The following GALNTL6 variants were observed in gnomAD, a reference collection of about 807,000 sequenced individuals.
GALNTL6 encodes the protein polypeptide N-acetylgalactosaminyltransferase-like 6.
GALNTL6 carries 46 observed loss-of-function variants against 73.7 expected under a neutral mutation model. The ratio of observed to expected loss-of-function variants is 0.62; its 90% CI spans 0.49 to 0.80. GALNTL6 has a LOEUF of 0.80. GALNTL6 is among the 30% of genes least tolerant of loss of function. The probability of loss-of-function intolerance (pLI) is 0.00; values close to 1 mark genes in which losing one functional copy is unlikely to be tolerated. For missense variants in GALNTL6, 604 were observed against 755.0 expected, an observed-to-expected ratio of 0.80 and a Z score of 2.34; for synonymous variants, 259 against 263.7, an observed-to-expected ratio of 0.98 and a Z score of 0.17.
chr4:172,794,617 T>C (rs1740167938), intron 5 of GALNTL6, among the ~76,000 whole-genome samples: 1 of 152,196 alleles, frequency 6.6e-6, no homozygotes, highest in Admixed American at 6.5e-5. Context: ...CTTTCACCAC[T>C]TCAGACTTTT....
chr4:172,547,433 ACT>A (rs1409199614), intron 5 of GALNTL6, among the ~76,000 whole-genome samples: 1 of 151,564 alleles, frequency 6.6e-6, no homozygotes, highest in African/African-American at 2.4e-5. Context: ...CCCTTCTGCC[ACT>A]CTCTGTGGGC....
intron 5 of GALNTL6, among the ~76,000 whole-genome samples, chr4:172,718,196 T>G (rs1441500687): frequency 6.6e-6 from 1 of 152,230 alleles, no homozygotes; most frequent in Non-Finnish European, 1.5e-5. Flanking sequence ...ATCTACTTCA[T>G]CGTTATGATG....
At chr4:172,973,644 A>G (rs1267429997) in intron 10 of GALNTL6, among the ~76,000 whole-genome samples, 1 of 152,244 alleles carries the variant, frequency 6.6e-6, no homozygotes, top group Non-Finnish European at 1.5e-5. Context: ...ATAAGTGAAA[A>G]GAGATATTTT....
chr4:172,311,707 A>G lies in GALNTL6; in HGVS notation c.341A>G (p.Asn114Ser). 1 of 1,610,980 alleles carries G rather than the reference A, an allele frequency of 6.2e-7. No homozygotes were observed. The highest frequency in any genetic ancestry group is 1.3e-5 in the African/African-American group (1 of 74,934). Residue 114 changes from asparagine to serine, a missense_variant, in exon 4 of 13, where the codon AAC becomes AGC. Asn to Ser is a conservative substitution (Grantham distance 46, BLOSUM62 1). This residue lies in a region of GALNTL6 where 141 missense variants were observed against 156.6 expected (regional missense o/e 0.90). Coordinates refer to ENST00000506823, the MANE Select transcript of GALNTL6 (RefSeq NM_001034845.3). ...AATGGTTTTAATATTTTCGTCAGCA[A>G]CAATATTGCTCTAGAGAGGTCTCTG... is the stretch of plus-strand genomic sequence containing the variant. ...RENGFNIFVS[N>S]NIALERSLPD...
intron 5 of GALNTL6, among the ~76,000 whole-genome samples, chr4:172,565,182 C>T (rs1453073389): frequency 6.6e-6 from 1 of 152,144 alleles, no homozygotes; most frequent in Non-Finnish European, 1.5e-5. Flanking sequence ...TAATCATTTC[C>T]CAAAAGGCCC....
intron 5 of GALNTL6, among the ~76,000 whole-genome samples, chr4:172,459,643 A>G (rs2111439874): frequency 6.6e-6 from 1 of 152,326 alleles, no homozygotes; most frequent in East Asian, 1.9e-4. Context: ...ATACCTAGGA[A>G]TACAACTTAC....
intron 2 of GALNTL6, among the ~76,000 whole-genome samples, chr4:171,970,308 A>G (rs2111063136): frequency 6.6e-6 from 1 of 152,306 alleles, no homozygotes; most frequent in Non-Finnish European, 1.5e-5. Context: ...CTCCATCAGG[A>G]TGTTGGCTGG....
Position 172,192,659 on chromosome 4 carries a change from A to T in GALNTL6, c.139-36997A>T, listed in dbSNP as rs75366466. Among the ~76,000 whole-genome samples, 29 of 152,270 alleles carry T rather than the reference A, an allele frequency of 1.9e-4. No individual in the cohort carries two copies. The East Asian group carries it at 5.2e-3, about 27-fold the overall frequency. The stretch of plus-strand genomic sequence containing the variant: ...CTAGGAAACCATACTGTTTTCATGG[A>T]TCTGTGCAACTCGCCCATCAGGAGA... On this transcript the variant is annotated intron_variant, in intron 2 of 12. Transcript: ENST00000506823.
chr4:172,755,368 A>G (rs1737697865), intron 5 of GALNTL6, among the ~76,000 whole-genome samples: 2 of 152,106 alleles, frequency 1.3e-5, no homozygotes, highest in African/African-American at 2.4e-5. Flanking sequence ...CCACTCAATC[A>G]AAGTTTTTTG....
chr4:172,162,149 A>G (rs780760833), intron 2 of GALNTL6, among the ~76,000 whole-genome samples: 3 of 151,976 alleles, frequency 2.0e-5, no homozygotes, highest in Non-Finnish European at 4.4e-5. Context: ...AATGTATTAT[A>G]CTATGATCAG....
At chr4:172,489,509 A>G (rs1733820917) in intron 5 of GALNTL6, among the ~76,000 whole-genome samples, 1 of 152,258 alleles carries the variant, frequency 6.6e-6, no homozygotes, top group Admixed American at 6.5e-5. Flanking sequence ...CTGAATAGTT[A>G]TGATATGTGT....
intron 10 of GALNTL6, among the ~76,000 whole-genome samples, chr4:173,002,813 A>G (rs1016378948): frequency 7.3e-6 from 1 of 136,822 alleles, no homozygotes; most frequent in African/African-American, 2.7e-5. Flanking sequence ...AAAAAAAAAA[A>G]GAATATTGGC....
At chr4:172,180,886 G>T (rs2110852847) in intron 2 of GALNTL6, among the ~76,000 whole-genome samples, 1 of 152,256 alleles carries the variant, frequency 6.6e-6, no homozygotes, top group East Asian at 1.9e-4. Context: ...ATAGTGTGAT[G>T]CCTCAAGCTT....
At chr4:171,954,819 C>A (rs1738995133) in intron 2 of GALNTL6, among the ~76,000 whole-genome samples, 1 of 152,060 alleles carries the variant, frequency 6.6e-6, no homozygotes, top group African/African-American at 2.4e-5. Context: ...TGAGTTCTCA[C>A]AAGACCTGGT....
At chr4:171,868,774 C>T (rs547774584) in intron 2 of GALNTL6, among the ~76,000 whole-genome samples, 22 of 152,152 alleles carry the variant, frequency 1.4e-4, no homozygotes, top group African/African-American at 4.6e-4. Context: ...CTCTGCCTCC[C>T]GGGTTCAAGC....
chr4:172,796,243 G>T lies in GALNTL6; in HGVS notation c.554-13118G>T, dbSNP rs182116088. On this transcript the variant is annotated intron_variant, in intron 5 of 12. Coordinates refer to ENST00000506823, the MANE Select transcript of GALNTL6 (RefSeq NM_001034845.3). Reference sequence around the variant, plus strand: ...CATTTGGGTTCCAGTTTGTTGGTTTGGTTTTGTTTTGTTTATTTTCTCCTG... The same window carrying T: ...CATTTGGGTTCCAGTTTGTTGGTTTTGTTTTGTTTTGTTTATTTTCTCCTG... Among the ~76,000 whole-genome samples the T allele has an allele frequency of 8.8e-3, 1,339 of 152,078 alleles. 13 individuals carry two copies. The highest frequency in any genetic ancestry group is 0.024 in the Middle Eastern group (7 of 294).
intron 12 of GALNTL6, among the ~76,000 whole-genome samples, chr4:173,030,055 G>T (rs1753392463): frequency 6.6e-6 from 1 of 152,108 alleles, no homozygotes; most frequent in Non-Finnish European, 1.5e-5. Flanking sequence ...TCTCCAGCTT[G>T]CCCATAAGAA....
chr4:172,462,753 C>T (rs1450544050), intron 5 of GALNTL6, among the ~76,000 whole-genome samples: 1 of 152,040 alleles, frequency 6.6e-6, no homozygotes, highest in Non-Finnish European at 1.5e-5. Flanking sequence ...ATATGTGTTG[C>T]CCAATTGAAT....
At chr4:172,831,237 T>C (rs1742623509) in intron 7 of GALNTL6, among the ~76,000 whole-genome samples, 2 of 140,304 alleles carry the variant, frequency 1.4e-5, no homozygotes, top group African/African-American at 2.7e-5. Context: ...CACGCAAATA[T>C]ATGGGTGCTG....
Sources: allele counts gnomAD v4.1 joint callset (sites outside exome capture counted in the v4.1 genomes callset), GRCh38; gene constraint gnomAD v4.1.1; regional missense constraint gnomAD v4.1.1; transcripts MANE v1.5; gene names NCBI Gene and HGNC (gene_info 2026-07-23, HGNC 2026-07-21).